Variants in ABCD3 observed in about 807,000 individuals in gnomAD.
The protein encoded by ABCD3 is ATP-binding cassette sub-family D member 3.
Under a neutral mutation model 105.5 loss-of-function variants are expected in ABCD3, and 41 were observed. The ratio of observed to expected loss-of-function variants is 0.39; its 90% CI spans 0.30 to 0.50. ABCD3 has a LOEUF of 0.50. Among genes scored for constraint, ABCD3 ranks in the 20% least tolerant of loss-of-function variants. ABCD3 has a pLI of 0.84. For synonymous variants in ABCD3, 258 were observed against 269.0 expected (o/e 0.96, Z 0.40); for missense variants, 622 against 806.3 (o/e 0.77, Z 2.77).
intron 20 of ABCD3, among the ~76,000 whole-genome samples, chr1:94,500,643 T>C (rs1036379337): frequency 6.6e-6 from 1 of 152,120 alleles, no homozygotes; most frequent in African/African-American, 2.4e-5. Context: ...GAAATTGGCT[T>C]ATGGCAGAAT....
At chr1:94,511,892 T>C (rs1002905814) in intron 21 of ABCD3, among the ~76,000 whole-genome samples, 1 of 152,132 alleles carries the variant, frequency 6.6e-6, no homozygotes, top group Admixed American at 6.6e-5. Context: ...TATACATTCT[T>C]CTAAACTTTT....
chr1:94,476,090 T>A (rs116182233), intron 7 of ABCD3, among the ~76,000 whole-genome samples: 17 of 152,196 alleles, frequency 1.1e-4, no homozygotes, highest in Admixed American at 7.9e-4. Flanking sequence ...TCCACACTTA[T>A]AACACTAGAC....
intron 4 of ABCD3, chr1:94,472,153 G>A (rs1471687744): frequency 2.1e-5 from 19 of 891,328 alleles, no homozygotes; most frequent in Non-Finnish European, 2.3e-5. Context: ...ATTGTTTTTT[G>A]TTAATTATTT....
chr1:94,436,085 G>T (rs1338754844), intron 1 of ABCD3, among the ~76,000 whole-genome samples: 1 of 152,102 alleles, frequency 6.6e-6, no homozygotes, highest in Non-Finnish European at 1.5e-5. Context: ...CTAAGAAGAG[G>T]TTGCTTCCTT....
chr1:94,409,769 G>A, the ABCD3 span, among the ~76,000 whole-genome samples: 1 of 152,174 alleles, frequency 6.6e-6, no homozygotes, highest in Non-Finnish European at 1.5e-5. Context: ...TCAGATAGTG[G>A]CCAGTTGTCA....
At chr1:94,482,972 A>C in intron 9 of ABCD3, 198 bp from the exon 10 acceptor site, 2 of 578,234 alleles carry the variant, frequency 3.5e-6, no homozygotes, top group East Asian at 5.9e-5. Context: ...TTCAGTCAGG[A>C]GTGTATTCCT....
intron 1 of ABCD3, among the ~76,000 whole-genome samples, chr1:94,428,268 C>T (rs554683059): frequency 9.5e-4 from 145 of 151,900 alleles, no homozygotes; most frequent in Non-Finnish European, 1.7e-3. Context: ...TAGATGTAGC[C>T]GTCTCACCAC....
Position 94,418,531 on chromosome 1 carries a change from C to T in ABCD3, c.53C>T (p.Ala18Val), listed in dbSNP as rs942454190. The T allele has an allele frequency of 6.2e-7, 1 of 1,605,380 alleles. No individual in the cohort carries two copies. The highest frequency in any genetic ancestry group is 8.5e-7 in the Non-Finnish European group (1 of 1,179,186). Reference sequence around the variant, plus strand: ...GCGCGAAACTCCTCGCTGGCTGGTGCCGCGTTCCTGCTGCTCTGCCTGCTC... The same window carrying T: ...GCGCGAAACTCCTCGCTGGCTGGTGTCGCGTTCCTGCTGCTCTGCCTGCTC... ...LTARNSSLAG[A>V]AFLLLCLLHK... The change falls in exon 1 of 23, where the codon GCC becomes GTC. Residue 18 changes from alanine (A) to valine (V), a missense_variant. Ala to Val is a moderately conservative substitution (Grantham distance 64, BLOSUM62 0). Coordinates refer to ENST00000370214, the MANE Select transcript of ABCD3 (RefSeq NM_002858.4).
chr1:94,467,902 T>A lies in ABCD3; in HGVS notation c.247-17T>A. 1 of 1,564,766 alleles carries A rather than the reference T, an allele frequency of 6.4e-7. No individual in the cohort carries two copies. Among genetic ancestry groups the A allele is most frequent in the African/African-American group, 1.4e-5 (1 of 74,012 alleles). On this transcript the variant is annotated splice_polypyrimidine_tract_variant and intron_variant, in intron 3 of 22. Transcript: ENST00000370214. ...TAAAATGCATGTATTTAATTTACTA[T>A]ACCTGGTTTATTTTAGACAGGTTAC...
At chr1:94,469,370 G>A (rs1648328095) in intron 4 of ABCD3, among the ~76,000 whole-genome samples, 1 of 151,470 alleles carries the variant, frequency 6.6e-6, no homozygotes, top group Non-Finnish European at 1.5e-5. Flanking sequence ...ACAATTTATT[G>A]TTTACATGAT....
At chr1:94,406,521 G>T in the ABCD3 span, 3 of 381,482 alleles carry the variant, frequency 7.9e-6, no homozygotes, top group Admixed American at 3.0e-5. Context: ...TTTCTCTTTG[G>T]CTCCCTTCTT....
intron 16 of ABCD3, among the ~76,000 whole-genome samples, chr1:94,496,695 T>TG (rs1649818161): frequency 1.2e-4 from 1 of 8,440 alleles, no homozygotes; most frequent in African/African-American, 5.1e-4. Flanking sequence ...CTTGTTTCTG[T>TG]TTTTTTTTTT....
chr1:94,466,723 T>C (rs975618102), intron 3 of ABCD3, among the ~76,000 whole-genome samples: 2 of 152,228 alleles, frequency 1.3e-5, no homozygotes, highest in Admixed American at 6.5e-5. Context: ...CAAGCTTCTC[T>C]GGAAAGATGC....
chr1:94,479,118 G>A (rs756544580), intron 8 of ABCD3, among the ~76,000 whole-genome samples: 1 of 152,102 alleles, frequency 6.6e-6, no homozygotes, highest in East Asian at 1.9e-4. Context: ...CACTGGAAAA[G>A]CAGGGTTTTG....
upstream of ABCD3, among the ~76,000 whole-genome samples, chr1:94,414,457 C>A (rs1227396060): frequency 6.6e-6 from 1 of 152,148 alleles, no homozygotes; most frequent in Non-Finnish European, 1.5e-5. Context: ...TTTACCTAGA[C>A]TATTTCATGT....
chr1:94,478,342 A>G (rs1159086849), intron 8 of ABCD3, 27 bp downstream of exon 8: 2 of 1,525,750 alleles, frequency 1.3e-6, no homozygotes, highest in Non-Finnish European at 1.8e-6. Context: ...TTCAACTTTT[A>G]AATTGATATA....
intron 1 of ABCD3, chr1:94,418,789 G>A (rs939607433): frequency 1.7e-6 from 1 of 599,234 alleles, no homozygotes; most frequent in Non-Finnish European, 2.9e-6. Context: ...TGGCCTGTCC[G>A]GCGACCTCGC....
intron 1 of ABCD3, among the ~76,000 whole-genome samples, chr1:94,429,690 A>G (rs1659601422): frequency 6.6e-6 from 1 of 152,208 alleles, no homozygotes; most frequent in Non-Finnish European, 1.5e-5. Context: ...GGGGTTTGGG[A>G]ACCTCTGCCT....
chr1:94,502,058 A>T (rs1369873790), intron 20 of ABCD3, among the ~76,000 whole-genome samples: 1 of 152,126 alleles, frequency 6.6e-6, no homozygotes, highest in Non-Finnish European at 1.5e-5. Flanking sequence ...TATATTTCTT[A>T]AGGAATGAAC....
Sources: allele counts gnomAD v4.1 joint callset (sites outside exome capture counted in the v4.1 genomes callset), GRCh38; gene constraint gnomAD v4.1.1; transcripts MANE v1.5; gene names NCBI Gene and HGNC (gene_info 2026-07-23, HGNC 2026-07-21).